MORC1: variants seen among roughly 807,000 people sequenced by gnomAD.
MORC1 encodes the protein MORC family CW-type zinc finger protein 1.
MORC1 carries 59 observed loss-of-function variants against 134.9 expected under a neutral mutation model. The observed-to-expected ratio is 0.44, with a 90% CI of 0.35 to 0.54. The LOEUF (loss-of-function observed/expected upper bound fraction) is 0.54. Among genes scored for constraint, MORC1 ranks in the 20% least tolerant of loss-of-function variants. The pLI is 0.00. For synonymous variants in MORC1, 395 were observed against 391.7 expected (o/e 1.01, Z -0.10); for missense variants, 947 against 1,134.5 (o/e 0.83, Z 2.37).
chr3:109,112,432 C>T (rs947857525), intron 2 of MORC1, among the ~76,000 whole-genome samples: 46 of 152,148 alleles, frequency 3.0e-4, no homozygotes, highest in African/African-American at 1.0e-3. Flanking sequence ...AGTTCTCCTT[C>T]GTAAGACCAA....
intron 17 of MORC1, among the ~76,000 whole-genome samples, chr3:109,025,239 T>C (rs1949045557): frequency 1.3e-5 from 2 of 152,114 alleles, no homozygotes; most frequent in Admixed American, 1.3e-4. Context: ...AACAAATCAG[T>C]GTTCAGCTCC....
chr3:109,004,199 C>A (rs1350800178), intron 20 of MORC1, among the ~76,000 whole-genome samples: 2 of 152,178 alleles, frequency 1.3e-5, no homozygotes, highest in Admixed American at 1.3e-4. Flanking sequence ...CAGAACTCAG[C>A]AGATATTTGC....
At position 108,995,964 on chromosome 3, in the gene MORC1, A is replaced by T. The variant is rs1948191434; in HGVS notation, c.2187+4593T>A. Among the ~76,000 whole-genome samples, 5 of 152,162 alleles carry T rather than the reference A, an allele frequency of 3.3e-5. No individual in the cohort carries two copies. The South Asian group carries it at 1.0e-3, about 32-fold the overall frequency. On this transcript the variant is annotated intron_variant, in intron 21 of 27. Coordinates refer to ENST00000232603, the MANE Select transcript of MORC1 (RefSeq NM_014429.4). ...CAACTGACCCAAGTGGAATGGGGTG[A>T]TTGAATTCATGTAGGGGACAGTTAT...
intron 27 of MORC1, among the ~76,000 whole-genome samples, chr3:108,962,279 TAA>T (rs141609845): frequency 2.4e-4 from 33 of 137,638 alleles, no homozygotes; most frequent in African/African-American, 4.8e-4. Flanking sequence ...ATTAAGCAAA[TAA>T]AAAAAAAAAA....
chr3:109,074,704 T>C (rs554496398), intron 8 of MORC1, among the ~76,000 whole-genome samples: 2 of 152,316 alleles, frequency 1.3e-5, no homozygotes, highest in East Asian at 3.9e-4. Context: ...ATCAATTTAC[T>C]TGAATGTAAT....
At chr3:108,964,459 G>A (rs189673052) in intron 26 of MORC1, among the ~76,000 whole-genome samples, 11 of 152,102 alleles carry the variant, frequency 7.2e-5, no homozygotes, top group African/African-American at 2.7e-4. Context: ...TTGTCTTTTG[G>A]GCCTACCCTT....
chr3:108,989,447 T>C (rs1418973082), intron 21 of MORC1, among the ~76,000 whole-genome samples: 1 of 152,196 alleles, frequency 6.6e-6, no homozygotes, highest in East Asian at 1.9e-4. Flanking sequence ...CTCCAAGGGA[T>C]GTGATGGATC....
intron 6 of MORC1, among the ~76,000 whole-genome samples, chr3:109,095,997 AAAT>A (rs1286105582): frequency 6.6e-6 from 1 of 152,186 alleles, no homozygotes; most frequent in Admixed American, 6.5e-5. Flanking sequence ...AATAGAGAAC[AAAT>A]AATTATAAAC....
At chr3:109,097,436 C>T (rs1322527244) in intron 6 of MORC1, among the ~76,000 whole-genome samples, 1 of 152,176 alleles carries the variant, frequency 6.6e-6, no homozygotes, top group Non-Finnish European at 1.5e-5. Flanking sequence ...CAAGAAGTCA[C>T]TGGAGAACAT....
Position 109,049,918 on chromosome 3 carries a change from T to C in MORC1, c.1330+4810A>G, listed in dbSNP as rs984187923. On this transcript the variant is annotated intron_variant, in intron 14 of 27. Transcript: ENST00000232603. ...AGGACGGTAAATATATTTAATACCA[T>C]GTCAAATGAAGAATAATTACTATTC... is the stretch of plus-strand genomic sequence containing the variant. 2.4e-4 allele frequency among the ~76,000 whole-genome samples: 36 copies of C among 152,302 alleles called. No individual in the cohort carries two copies. In the East Asian group the frequency reaches 2.7e-3, roughly 11 times the overall value.
intron 17 of MORC1, among the ~76,000 whole-genome samples, chr3:109,026,500 T>A (rs1302481141): frequency 6.6e-6 from 1 of 152,226 alleles, no homozygotes; most frequent in Non-Finnish European, 1.5e-5. Flanking sequence ...TAAGTCTTGA[T>A]GATTGGCATT....
chr3:109,025,514 T>A (rs547969736), intron 17 of MORC1, among the ~76,000 whole-genome samples: 1 of 151,202 alleles, frequency 6.6e-6, no homozygotes, highest in Non-Finnish European at 1.5e-5. Flanking sequence ...CTGAAGTAGC[T>A]GGGATTACAG....
chr3:109,047,150 T>G (rs182652236), intron 14 of MORC1, among the ~76,000 whole-genome samples: 1 of 152,328 alleles, frequency 6.6e-6, no homozygotes, highest in African/African-American at 2.4e-5. Context: ...AACTCCCATA[T>G]ACAGTACAAC....
intron 14 of MORC1, among the ~76,000 whole-genome samples, chr3:109,040,195 G>A (rs76213881): frequency 0.013 from 2,012 of 151,106 alleles, 83 homozygotes; most frequent in Admixed American, 0.075. Context: ...TCCAGTTTTC[G>A]GCAAAAAAAG....
chr3:108,981,702 T>C (rs1460328818), intron 23 of MORC1, among the ~76,000 whole-genome samples: 5 of 152,320 alleles, frequency 3.3e-5, no homozygotes, highest in East Asian at 1.9e-4. Flanking sequence ...TTAGTGTAAG[T>C]GGTCAGTAAA....
rs1431295519 is a variant in MORC1, at chr3:109,000,630, T to C, written c.2114A>G (p.Gln705Arg). The C allele has an allele frequency of 6.2e-7, 1 of 1,610,922 alleles. No individual in the cohort carries two copies. The highest frequency in any genetic ancestry group is 8.5e-7 in the Non-Finnish European group (1 of 1,178,930). ...QAASWEMKRK[Q>R]SLNFVEECKV... ...ACATTCCTCTACAAAGTTCAGACTC[T>C]GCTTCCTTTTCATTTCCCAAGAAGC... is the stretch of plus-strand genomic sequence containing the variant. Residue 705 changes from glutamine (Q) to arginine (R), a missense_variant, in exon 21 of 28, where the codon CAG (glutamine) becomes CGG (arginine). Around this residue, in one of 3 missense-constraint regions of MORC1, gnomAD observed 722 missense variants for 817.0 expected, o/e 0.88. Coordinates refer to ENST00000232603, the MANE Select transcript of MORC1 (RefSeq NM_014429.4).
intron 6 of MORC1, among the ~76,000 whole-genome samples, chr3:109,098,190 T>G (rs1410976619): frequency 2.0e-5 from 3 of 152,070 alleles, no homozygotes; most frequent in African/African-American, 7.2e-5. Context: ...GGACTACAGA[T>G]GCACTCCACC....
At chr3:109,020,498 A>C (rs1354626816) in intron 17 of MORC1, among the ~76,000 whole-genome samples, 1 of 152,092 alleles carries the variant, frequency 6.6e-6, no homozygotes, top group Non-Finnish European at 1.5e-5. Flanking sequence ...GTTAAGATTA[A>C]GTATGAGCCT....
intron 8 of MORC1, among the ~76,000 whole-genome samples, chr3:109,086,397 C>T (rs528011317): frequency 1.2e-4 from 18 of 151,482 alleles, no homozygotes; most frequent in Middle Eastern, 3.4e-3. Context: ...TTTTTTAAGT[C>T]GAGTTGATGG....
Sources: allele counts gnomAD v4.1 joint callset (sites outside exome capture counted in the v4.1 genomes callset), GRCh38; gene constraint gnomAD v4.1.1; regional missense constraint gnomAD v4.1.1; transcripts MANE v1.5; gene names NCBI Gene and HGNC (gene_info 2026-07-23, HGNC 2026-07-21).